ATP11A: variants seen among roughly 807,000 people sequenced by gnomAD.
ATP11A encodes the protein ATPase phospholipid transporting 11A, also known as phospholipid-transporting ATPase IH.
A neutral mutation model predicts 154.4 loss-of-function variants in ATP11A; 81 were observed. The ratio of observed to expected loss-of-function variants is 0.52; its 90% CI spans 0.44 to 0.63. The LOEUF (loss-of-function observed/expected upper bound fraction) is 0.63. Ranked by LOEUF, ATP11A falls within the 30% of genes least tolerant of loss-of-function variation. The pLI, the probability that ATP11A is intolerant of heterozygous loss-of-function variation, is 0.00. For missense variants in ATP11A, 1,316 were observed against 1,474.3 expected (o/e 0.89, Z 1.76); for synonymous variants, 623 against 585.9 (o/e 1.06, Z -0.91).
Position 112,742,031 on chromosome 13 carries a change from C to CCCCCAAAGGGGAGTGCTCCCCCT in ATP11A, c.40-43099_40-43098insAAGGGGAGTGCTCCCCCTCCCCA, listed in dbSNP as rs544436282. Among the ~76,000 whole-genome samples, 231 of 151,920 alleles carry CCCCCAAAGGGGAGTGCTCCCCCT rather than the reference C, an allele frequency of 1.5e-3. 7 individuals carry two copies. The South Asian group carries it at 0.036, about 24-fold the overall frequency. ...CTCCCCACAGAAGAGTGCTCCCCTT[C>CCCCCAAAGGGGAGTGCTCCCCCT]CCCCACAGGGGAGTGCTCCCCCTCC... On this transcript the variant is annotated intron_variant, in intron 1 of 29. Coordinates refer to ENST00000375645, the MANE Select transcript of ATP11A (RefSeq NM_015205.3).
At chr13:112,720,513 C>T (rs565789435) in intron 1 of ATP11A, among the ~76,000 whole-genome samples, 3 of 151,824 alleles carry the variant, frequency 2.0e-5, no homozygotes, top group South Asian at 2.1e-4. Flanking sequence ...TTGTGGAGAC[C>T]GGGGCTTTAT....
chr13:112,726,394 G>A (rs1312278370), intron 1 of ATP11A, among the ~76,000 whole-genome samples: 1 of 152,202 alleles, frequency 6.6e-6, no homozygotes, highest in East Asian at 1.9e-4. Flanking sequence ...TGCATGCAGG[G>A]AGAGGGGCCA....
chr13:112,870,147 A>T (rs1191513452), intron 25 of ATP11A, among the ~76,000 whole-genome samples: 5 of 152,162 alleles, frequency 3.3e-5, no homozygotes, highest in Non-Finnish European at 7.4e-5. Flanking sequence ...TCTGATCACA[A>T]TGAGGAAGTG....
In ATP11A at chr13:112,785,283, C is replaced by A; in HGVS notation, c.162+26C>A. ...GTAACTTGGCTTGGGTCTGAGTGTC[C>A]ATAATGTGTCTAAAAAGCAGCTGCC... On this transcript the variant is annotated intron_variant, in intron 2 of 29. Transcript: ENST00000375645. The surrounding 1 kb of genome is among the most constrained non-coding windows in gnomAD (Gnocchi z 4.8). 3 of 1,426,822 alleles carry A rather than the reference C, an allele frequency of 2.1e-6. No homozygotes were observed. The highest frequency in any genetic ancestry group is 2.8e-6 in the Non-Finnish European group (3 of 1,081,732). The allele number at this position is 1,426,822 out of a possible 1,614,324, so 88.4% of individuals were successfully genotyped here.
At chr13:112,874,853 G>A (rs978137354) in intron 27 of ATP11A, among the ~76,000 whole-genome samples, 8 of 152,216 alleles carry the variant, frequency 5.3e-5, no homozygotes. Flanking sequence ...CGATGGCTCT[G>A]TAAGAGGAAG....
At chr13:112,751,402 G>A (rs1457417139) in intron 1 of ATP11A, among the ~76,000 whole-genome samples, 1 of 152,178 alleles carries the variant, frequency 6.6e-6, no homozygotes, top group Non-Finnish European at 1.5e-5. Flanking sequence ...GCTGATGCCT[G>A]TAAACCCAGC....
chr13:112,808,015 T>C (rs1190604080), intron 4 of ATP11A, among the ~76,000 whole-genome samples: 2 of 151,736 alleles, frequency 1.3e-5, no homozygotes, highest in African/African-American at 4.8e-5. Flanking sequence ...TCTCCAGGAG[T>C]GTCCTGGAGG....
At position 112,770,636 on chromosome 13, in the gene ATP11A, G is replaced by A. The variant is rs544971081; in HGVS notation, c.40-14499G>A. ...CATCTCAGCACGGCGGTGGAAACGT[G>A]GTCCACCTGCGGAGGGCCTGTTTGC... On this transcript the variant is annotated intron_variant, in intron 1 of 29. Transcript: ENST00000375645. Among the ~76,000 whole-genome samples, 12 of 152,264 alleles carry A rather than the reference G, an allele frequency of 7.9e-5. No homozygotes were observed. The East Asian group carries it at 1.4e-3, about 17-fold the overall frequency.
At chr13:112,858,327 A>G (rs2079994318) in intron 22 of ATP11A, 37 bp downstream of exon 22, 5 of 1,589,468 alleles carry the variant, frequency 3.1e-6, no homozygotes, top group Non-Finnish European at 4.3e-6. Context: ...GGTGTTAGCA[A>G]CAGGTCACGC....
Position 112,882,460 on chromosome 13 carries a change from C to A in ATP11A, c.*594C>A. On this transcript the variant is annotated 3_prime_UTR_variant, in exon 30 of 30. Coordinates refer to ENST00000375645, the MANE Select transcript of ATP11A (RefSeq NM_015205.3). The surrounding 1 kb of genome is among the most constrained non-coding windows in gnomAD (Gnocchi z 5.1). Reference sequence around the variant, plus strand: ...TGAGGTGGAGCCATGGTGGTGCGTCCTTTACTCAACAACCCTCCAATCCGG... The same window carrying A: ...TGAGGTGGAGCCATGGTGGTGCGTCATTTACTCAACAACCCTCCAATCCGG... 2 of 460,892 alleles carry A rather than the reference C, an allele frequency of 4.3e-6. No homozygotes were observed. Among genetic ancestry groups the A allele is most frequent in the South Asian group, 3.9e-5 (1 of 25,868 alleles). The allele number at this position is 460,892 out of a possible 1,614,324, so 28.6% of individuals were successfully genotyped here. A position where few individuals can be genotyped will look rare whatever the true frequency, so the allele number is the denominator to read the frequency against.
intron 16 of ATP11A, 61 bp from the exon 17 acceptor site, chr13:112,842,215 T>TA (rs2079441963): frequency 7.4e-7 from 1 of 1,346,010 alleles, no homozygotes; most frequent in Non-Finnish European, 1.0e-6. Context: ...GGCATAATTT[T>TA]AAAAAATAAT....
At position 112,814,230 on chromosome 13, in the gene ATP11A, A is replaced by AT. The variant is rs572209097; in HGVS notation, c.442-1847dup. Among the ~76,000 whole-genome samples, 561 of 151,922 alleles carry AT rather than the reference A, an allele frequency of 3.7e-3. 3 individuals are homozygous for AT. Among genetic ancestry groups the AT allele is most frequent in the Non-Finnish European group, 6.0e-3 (406 of 67,942 alleles). On this transcript the variant is annotated intron_variant, in intron 5 of 29. Coordinates refer to ENST00000375645, the MANE Select transcript of ATP11A (RefSeq NM_015205.3). ...AGGCGTGCACCACCATGCCTGTCTA[A>AT]TTTTTTAGTGTTAGTAGAGATGGGG...
At chr13:112,694,077 C>T (rs1403330966) in intron 1 of ATP11A, among the ~76,000 whole-genome samples, 2 of 152,190 alleles carry the variant, frequency 1.3e-5, no homozygotes, top group Non-Finnish European at 2.9e-5. Flanking sequence ...GCAGCCTCAG[C>T]GGGTAGCTTA....
chr13:112,786,418 G>A (rs1271805877), intron 2 of ATP11A, among the ~76,000 whole-genome samples: 6 of 49,410 alleles, frequency 1.2e-4, no homozygotes, highest in South Asian at 9.2e-4. Context: ...AATGCGGAAC[G>A]CACGTGCCTG....
In ATP11A at chr13:112,855,918, G is replaced by A. The variant is rs1345275806; in HGVS notation, c.2251G>A (p.Ala751Thr). The A allele has an allele frequency of 1.2e-6, 2 of 1,609,348 alleles. No homozygotes were observed. Among genetic ancestry groups the A allele is most frequent in the South Asian group, 1.1e-5 (1 of 90,580 alleles). ...ACTCACGTACTCTAACAGACTTTCA[G>A]CAGATATGCAGGACTACGGTTTAAT... The part of the protein sequence containing the change: ...LTRDNLSGLS[A>T]DMQDYGLIID... Residue 751 changes from alanine to threonine, a missense_variant, in exon 20 of 30, where the codon GCA (alanine) becomes ACA (threonine). Physicochemically the swap from Ala to Thr is moderately conservative, Grantham distance 58. This residue lies in a region of ATP11A where 876 missense variants were observed against 1,006.8 expected (regional missense o/e 0.87). Coordinates refer to ENST00000375645, the MANE Select transcript of ATP11A (RefSeq NM_015205.3).
At chr13:112,748,286 G>A (rs954344297) in intron 1 of ATP11A, among the ~76,000 whole-genome samples, 1 of 152,170 alleles carries the variant, frequency 6.6e-6, no homozygotes, top group Non-Finnish European at 1.5e-5. Context: ...ACTAAGATGG[G>A]TCTTCATTAC....
In ATP11A at chr13:112,810,679, T is replaced by C. The variant is rs200385753; in HGVS notation, c.394T>C (p.Phe132Leu). 5.3e-5 allele frequency: 85 copies of C among 1,614,072 alleles called. No individual in the cohort carries two copies. Among genetic ancestry groups the C allele is most frequent in the Non-Finnish European group, 8.5e-6 (10 of 1,180,046 alleles). ...DNAMNQCPVH[F>L]IQHGKLVRKQ... ...TGCCATGAACCAGTGTCCTGTTCAT[T>C]TCATTCAGCACGGCAAGCTCGTTCG... is the stretch of plus-strand genomic sequence containing the variant. Residue 132 changes from phenylalanine (F) to leucine (L), a missense_variant, in exon 5 of 30, where the codon TTC (phenylalanine) becomes CTC (leucine). Physicochemically the swap from Phe to Leu is conservative, Grantham distance 22 (BLOSUM62 0). Coordinates refer to ENST00000375645, the MANE Select transcript of ATP11A (RefSeq NM_015205.3).
chr13:112,707,792 G>A (rs1887316465), intron 1 of ATP11A, among the ~76,000 whole-genome samples: 1 of 152,104 alleles, frequency 6.6e-6, no homozygotes, highest in African/African-American at 2.4e-5. Context: ...GTGACAACCG[G>A]CTCAGTGGTT....
rs570044622 is a variant in ATP11A at position 112,753,351 on chromosome 13, CG to C, written c.40-31783del. Reference sequence around the variant, plus strand: ...ATTTCTGCGAGGACAGCTTTGGGATCGCTTTGGAGAAGGGAGATTTCTGAGA... The same window carrying C: ...ATTTCTGCGAGGACAGCTTTGGGATCCTTTGGAGAAGGGAGATTTCTGAGA... On this transcript the variant is annotated intron_variant, in intron 1 of 29. Coordinates refer to ENST00000375645, the MANE Select transcript of ATP11A (RefSeq NM_015205.3). The surrounding 1 kb of genome is among the most constrained non-coding windows in gnomAD (Gnocchi z 4.1). Among the ~76,000 whole-genome samples, 312 of 152,258 alleles carry C rather than the reference CG, an allele frequency of 2.0e-3. No individual in the cohort carries two copies. Among genetic ancestry groups the C allele is most frequent in the East Asian group, 0.013 (67 of 5,188 alleles).
Sources: gnomAD v4.1 joint callset for allele counts (sites outside exome capture counted in the v4.1 genomes callset) on GRCh38, gnomAD v4.1.1 for gene constraint, gnomAD v4.1.1 regional missense constraint, Gnocchi (gnomAD v3.1) non-coding constraint, MANE v1.5 for transcripts, NCBI Gene and HGNC (gene_info 2026-07-23, HGNC 2026-07-21) for gene names.